Variants in FBXL18 observed in about 807,000 individuals in gnomAD.
The protein encoded by FBXL18 is F-box and leucine rich repeat protein 18.
A neutral mutation model predicts 46.0 loss-of-function variants in FBXL18; 36 were observed. The ratio of observed to expected loss-of-function variants is 0.78; its 90% CI spans 0.60 to 1.03. The LOEUF is 1.03. FBXL18 is among the 50% of genes least tolerant of loss of function. FBXL18 has a pLI of 0.00. For synonymous variants in FBXL18, 557 were observed against 465.3 expected, an observed-to-expected ratio of 1.20 and a Z score of -2.54; for missense variants, 977 against 1,004.1, an observed-to-expected ratio of 0.97 and a Z score of 0.36.
chr7:5,491,153 G>A, intron 4 of FBXL18, 78 bp downstream of exon 4: 2 of 1,351,370 alleles, frequency 1.5e-6, no homozygotes, highest in Non-Finnish European at 1.0e-6. Context: ...TAGGCACTCG[G>A]TGAAGGCTGG....
intron 2 of FBXL18, among the ~76,000 whole-genome samples, chr7:5,504,378 C>A (rs1299826967): frequency 6.7e-6 from 1 of 149,170 alleles, no homozygotes; most frequent in Admixed American, 6.7e-5. Flanking sequence ...TGCAGTGAGC[C>A]GGGATCGTGC....
rs961752222 is a variant in FBXL18, at chr7:5,500,933, G to A, written c.1336C>T (p.Arg446Cys). The change falls in exon 3 of 5, where the codon CGC (arginine) becomes TGC (cysteine). Residue 446 changes from arginine (R) to cysteine (C), a missense_variant. Coordinates refer to ENST00000382368, the MANE Select transcript of FBXL18 (RefSeq NM_024963.6). ...PAQPAMHAVPRGFGKKVRVGV... is the reference protein window; with the variant it reads ...PAQPAMHAVPCGFGKKVRVGV... ...ACACGCACTTTCTTGCCAAAGCCGC[G>A]CGGCACTGCGTGCATGGCCGGCTGG... is the stretch of plus-strand genomic sequence containing the variant. 1.9e-6 allele frequency: 3 copies of A among 1,557,252 alleles called. No individual in the cohort carries two copies. Among genetic ancestry groups the A allele is most frequent in the East Asian group, 2.3e-5 (1 of 44,102 alleles).
At chr7:5,506,226 G>A (rs1784390763) in intron 1 of FBXL18, among the ~76,000 whole-genome samples, 2 of 151,756 alleles carry the variant, frequency 1.3e-5, no homozygotes, top group South Asian at 2.1e-4. Context: ...TGGCAGGTGT[G>A]AGCCACCATG....
chr7:5,490,384 C>T (rs1783890992), intron 4 of FBXL18, among the ~76,000 whole-genome samples: 1 of 152,212 alleles, frequency 6.6e-6, no homozygotes, highest in Admixed American at 6.6e-5. Context: ...CAGGAATCGC[C>T]TCCTCCTAAT....
chr7:5,499,745 G>GA (rs1205205121), intron 3 of FBXL18, among the ~76,000 whole-genome samples: 1,236 of 115,548 alleles, frequency 0.011, 15 homozygotes, highest in African/African-American at 0.026. Context: ...AAAAAAAAAA[G>GA]AAAAAAAAAA....
downstream of FBXL18, among the ~76,000 whole-genome samples, chr7:5,472,799 C>T (rs747164765): frequency 5.9e-5 from 9 of 152,166 alleles, no homozygotes; most frequent in Non-Finnish European, 8.8e-5. Context: ...GTGCAAATAC[C>T]TGCCCTGGAG....
In FBXL18 at chr7:5,513,580, C is replaced by A. The variant is rs972799211; in HGVS notation, c.18+77G>T. 4.5e-6 allele frequency: 7 copies of A among 1,547,420 alleles called. No individual in the cohort carries two copies. In the Admixed American group the frequency reaches 1.2e-4, roughly 27 times the overall value. On this transcript the variant is annotated intron_variant, in intron 1 of 4. Transcript: ENST00000382368. ...CGGGATAGAAAGGATGCAAGGGAAC[C>A]CGGGTCGGGATGGAAGAACCCAGGG... is the stretch of plus-strand genomic sequence containing the variant.
chr7:5,474,858 C>A (rs1004551831), downstream of FBXL18, among the ~76,000 whole-genome samples: 20 of 150,754 alleles, frequency 1.3e-4, no homozygotes, highest in African/African-American at 4.6e-4. Context: ...CAGGCGCCCG[C>A]CACCACGCCC....
At chr7:5,488,326 C>T (rs1353682332) in intron 4 of FBXL18, among the ~76,000 whole-genome samples, 1 of 152,220 alleles carries the variant, frequency 6.6e-6, no homozygotes, top group East Asian at 1.9e-4. Flanking sequence ...CCGCCTGTAG[C>T]GCCATGCAGA....
chr7:5,482,501 C>A (rs907080768), intron 4 of FBXL18, among the ~76,000 whole-genome samples: 4 of 151,228 alleles, frequency 2.6e-5, no homozygotes, highest in Non-Finnish European at 5.9e-5. Flanking sequence ...GCGACCCCCC[C>A]CCAATGCCCC....
intron 4 of FBXL18, among the ~76,000 whole-genome samples, chr7:5,482,182 G>C (rs1013099832): frequency 6.6e-6 from 1 of 152,202 alleles, no homozygotes; most frequent in Admixed American, 6.5e-5. Context: ...GGGGGCACCC[G>C]CTCCATGCCA....
intron 4 of FBXL18, among the ~76,000 whole-genome samples, chr7:5,462,820 G>A (rs770079395): frequency 3.3e-5 from 5 of 149,528 alleles, no homozygotes; most frequent in African/African-American, 4.9e-5. Context: ...GTGTGGTGGC[G>A]GGCGCCTATA....
Position 5,481,688 on chromosome 7 carries a change from C to T in FBXL18, c.*87G>A. 6.8e-7 allele frequency: 1 copy of T among 1,460,146 alleles called. No individual in the cohort carries two copies. Among genetic ancestry groups the T allele is most frequent in the Non-Finnish European group, 9.4e-7 (1 of 1,063,012 alleles). The allele number at this position is 1,460,146 out of a possible 1,614,324, so 90.4% of individuals were successfully genotyped here. On this transcript the variant is annotated 3_prime_UTR_variant, in exon 5 of 5. Coordinates refer to ENST00000382368, the MANE Select transcript of FBXL18 (RefSeq NM_024963.6). ...GCTGGCCGGGAGAGAGGCCCCCTTC[C>T]TCTTGTGACAAACCAAGGGTCCCTG...
At chr7:5,488,035 C>T (rs1243001439) in intron 4 of FBXL18, among the ~76,000 whole-genome samples, 2 of 152,266 alleles carry the variant, frequency 1.3e-5, no homozygotes, top group Non-Finnish European at 2.9e-5. Flanking sequence ...GCGAGCTCAG[C>T]GCCGGGCTCA....
intron 4 of FBXL18, among the ~76,000 whole-genome samples, chr7:5,462,482 G>A (rs1175404652): frequency 6.6e-6 from 1 of 152,094 alleles, no homozygotes; most frequent in African/African-American, 2.4e-5. Flanking sequence ...ACAAGCCATG[G>A]CAGAGGGAGG....
chr7:5,496,791 C>A lies in FBXL18; in HGVS notation c.1781+3697G>T, dbSNP rs912571243. ...CTGTAATCCCACCACTTTGGGAGGC[C>A]GAGGTGGGCGGATCACCTGAGGTCA... On this transcript the variant is annotated intron_variant, in intron 3 of 4. Coordinates refer to ENST00000382368, the MANE Select transcript of FBXL18 (RefSeq NM_024963.6). The surrounding 1 kb of genome is among the most constrained non-coding windows in gnomAD (Gnocchi z 4.8). Among the ~76,000 whole-genome samples, 18 of 152,128 alleles carry A rather than the reference C, an allele frequency of 1.2e-4. No homozygotes were observed. Among genetic ancestry groups the A allele is most frequent in the Middle Eastern group, 3.4e-3 (1 of 294 alleles).
At position 5,462,985 on chromosome 7, in the gene FBXL18, T is replaced by A. The variant is rs1444158524; in HGVS notation, c.2001-15142A>T. 2.9e-3 allele frequency among the ~76,000 whole-genome samples: 143 copies of A among 49,824 alleles called. 2 individuals carry two copies. The highest frequency in any genetic ancestry group is 0.013 in the Middle Eastern group (1 of 80). The allele number at this position is 49,824 out of a possible 152,430, so 32.7% of individuals were successfully genotyped here. A position where few individuals can be genotyped will look rare whatever the true frequency, so the allele number is the denominator to read the frequency against. On this transcript the variant is annotated intron_variant and NMD_transcript_variant, in intron 4 of 6. Coordinates refer to the FBXL18 transcript ENST00000415009. ...AAAAAAAAAAATATATATATATATATATATATATATAATATATATACACAC... is the reference window on the plus strand; with the variant it reads ...AAAAAAAAAAATATATATATATATAAATATATATATAATATATATACACAC...
At chr7:5,469,682 C>T (rs568352052) in intron 4 of FBXL18, among the ~76,000 whole-genome samples, 2 of 150,832 alleles carry the variant, frequency 1.3e-5, no homozygotes, top group East Asian at 2.0e-4. Flanking sequence ...AGCGTGGGAG[C>T]GTGCCGTGGA....
At chr7:5,512,853 A>G (rs560799450) in intron 1 of FBXL18, among the ~76,000 whole-genome samples, 2 of 152,238 alleles carry the variant, frequency 1.3e-5, no homozygotes, top group East Asian at 1.9e-4. Flanking sequence ...ACCCCCAGCC[A>G]TCTCCAGAGA....
Sources: allele counts gnomAD v4.1 joint callset (sites outside exome capture counted in the v4.1 genomes callset), GRCh38; gene constraint gnomAD v4.1.1; non-coding constraint Gnocchi (gnomAD v3.1); transcripts MANE v1.5; gene names NCBI Gene and HGNC (gene_info 2026-07-23, HGNC 2026-07-21).